The following GALNT13 variants were observed in gnomAD, a reference collection of about 807,000 sequenced individuals.
The protein encoded by GALNT13 is polypeptide N-acetylgalactosaminyltransferase 13, also known as UDP-GalNAc:polypeptide N-acetylgalactosaminyltransferase 13.
In GALNT13, 28 loss-of-function variants were observed where a neutral mutation model predicts 64.2. The observed-to-expected ratio is 0.44, with a 90% CI of 0.32 to 0.60. The LOEUF is 0.60. Ranked by LOEUF, GALNT13 falls within the 20% of genes least tolerant of loss-of-function variation. The pLI is 0.05. For synonymous variants in GALNT13, 214 were observed against 224.6 expected (o/e 0.95, Z 0.42); for missense variants, 577 against 669.8 (o/e 0.86, Z 1.53).
At chr2:154,082,075 G>A (rs1053485084) in intron 3 of GALNT13, among the ~76,000 whole-genome samples, 2 of 151,648 alleles carry the variant, frequency 1.3e-5, no homozygotes, top group Admixed American at 1.3e-4. Flanking sequence ...ATATCCAAAG[G>A]TTACAGTGTA....
chr2:154,225,239 C>T (rs866434383), intron 4 of GALNT13, among the ~76,000 whole-genome samples: 1 of 151,950 alleles, frequency 6.6e-6, no homozygotes, highest in East Asian at 1.9e-4. Flanking sequence ...TTCACACATT[C>T]AAAGATGTTT....
At chr2:154,200,338 C>T (rs1416027566) in intron 4 of GALNT13, among the ~76,000 whole-genome samples, 1 of 151,852 alleles carries the variant, frequency 6.6e-6, no homozygotes, top group Non-Finnish European at 1.5e-5. Flanking sequence ...GGGAATATCC[C>T]ACCAAAGATA....
At chr2:153,337,494 G>T in the GALNT13 span, among the ~76,000 whole-genome samples, 1 of 152,102 alleles carries the variant, frequency 6.6e-6, no homozygotes, top group South Asian at 2.1e-4. Flanking sequence ...GTTAAATACA[G>T]GATATTTAAG....
the GALNT13 span, among the ~76,000 whole-genome samples, chr2:153,506,631 G>A: frequency 2.0e-5 from 3 of 152,170 alleles, no homozygotes; most frequent in Non-Finnish European, 4.4e-5. Flanking sequence ...ATTCTTGGCT[G>A]ATAATTGTTT....
intron 8 of GALNT13, among the ~76,000 whole-genome samples, chr2:154,298,000 T>C (rs957625300): frequency 5.9e-5 from 9 of 152,094 alleles, no homozygotes; most frequent in African/African-American, 1.9e-4. Flanking sequence ...AGTAGATGTA[T>C]GGATACACAA....
intron 4 of GALNT13, among the ~76,000 whole-genome samples, chr2:154,163,888 G>T (rs1015704220): frequency 6.6e-6 from 1 of 152,096 alleles, no homozygotes; most frequent in Admixed American, 6.6e-5. Flanking sequence ...TTCTCACTCT[G>T]TATTTCATAG....
chr2:154,135,493 A>G (rs1419972384), intron 3 of GALNT13, among the ~76,000 whole-genome samples: 1 of 152,200 alleles, frequency 6.6e-6, no homozygotes. Context: ...TAAAAGTTGT[A>G]TATAGTTTAT....
chr2:154,396,516 T>C (rs1699061519), intron 10 of GALNT13, among the ~76,000 whole-genome samples: 1 of 152,192 alleles, frequency 6.6e-6, no homozygotes, highest in African/African-American at 2.4e-5. Flanking sequence ...TAATAAACAA[T>C]TACATGTTAA....
At chr2:153,308,607 A>G in the GALNT13 span, among the ~76,000 whole-genome samples, 1 of 152,154 alleles carries the variant, frequency 6.6e-6, no homozygotes, top group Admixed American at 6.5e-5. Context: ...AGGTCTTTTG[A>G]TAGCCTAGAG....
the GALNT13 span, among the ~76,000 whole-genome samples, chr2:153,329,891 A>C: frequency 6.6e-6 from 1 of 152,274 alleles, no homozygotes; most frequent in African/African-American, 2.4e-5. Flanking sequence ...GTTTTCTTTT[A>C]AGATTCTTAC....
the GALNT13 span, among the ~76,000 whole-genome samples, chr2:153,561,919 A>G: frequency 6.6e-6 from 1 of 152,124 alleles, no homozygotes; most frequent in Non-Finnish European, 1.5e-5. Context: ...TTAGAATCAA[A>G]CATACAGAAT....
chr2:153,085,859 A>G, the GALNT13 span, among the ~76,000 whole-genome samples: 3 of 152,086 alleles, frequency 2.0e-5, no homozygotes, highest in Non-Finnish European at 2.9e-5. Context: ...AGCTTGCACT[A>G]TGTACCTAGG....
intron 8 of GALNT13, among the ~76,000 whole-genome samples, chr2:154,291,177 T>C (rs1692607149): frequency 6.6e-6 from 1 of 152,100 alleles, no homozygotes; most frequent in Non-Finnish European, 1.5e-5. Flanking sequence ...TTGGTCCATT[T>C]TACAGAGAGC....
the GALNT13 span, among the ~76,000 whole-genome samples, chr2:153,712,913 C>G: frequency 6.6e-6 from 1 of 152,100 alleles, no homozygotes; most frequent in Admixed American, 6.5e-5. Context: ...TCTAATCATA[C>G]CCTGCCCCAC....
chr2:154,282,281 A>T (rs972632280), intron 8 of GALNT13, among the ~76,000 whole-genome samples: 8 of 152,114 alleles, frequency 5.3e-5, no homozygotes, highest in African/African-American at 1.9e-4. Flanking sequence ...AGGGGGAAAA[A>T]CACATTTATT....
intron 3 of GALNT13, among the ~76,000 whole-genome samples, chr2:154,075,646 G>A (rs1277127111): frequency 2.0e-5 from 3 of 151,650 alleles, no homozygotes; most frequent in African/African-American, 7.2e-5. Flanking sequence ...TTCACAACAC[G>A]ATTAAAACTA....
the GALNT13 span, among the ~76,000 whole-genome samples, chr2:153,616,940 A>G: frequency 6.6e-6 from 1 of 151,924 alleles, no homozygotes; most frequent in Non-Finnish European, 1.5e-5. Context: ...GGAGTACCAG[A>G]TATATAAAGC....
At chr2:153,719,940 A>C in the GALNT13 span, among the ~76,000 whole-genome samples, 167 of 152,200 alleles carry the variant, frequency 1.1e-3, no homozygotes, top group African/African-American at 3.9e-3. Flanking sequence ...CGGGAAGCTC[A>C]AACTGGGTGG....
the GALNT13 span, among the ~76,000 whole-genome samples, chr2:153,648,398 A>C: frequency 6.6e-6 from 1 of 152,180 alleles, no homozygotes; most frequent in Non-Finnish European, 1.5e-5. Flanking sequence ...ATATACAATC[A>C]TGTCATCTGC....
Sources: gnomAD v4.1 joint callset for allele counts (sites outside exome capture counted in the v4.1 genomes callset) on GRCh38, gnomAD v4.1.1 for gene constraint, MANE v1.5 for transcripts, NCBI Gene and HGNC (gene_info 2026-07-23, HGNC 2026-07-21) for gene names.